THRAP3: variants seen among roughly 807,000 people sequenced by gnomAD.
THRAP3 encodes the protein thyroid hormone receptor-associated protein 3.
A neutral mutation model predicts 101.0 loss-of-function variants in THRAP3; 16 were observed. The ratio of observed to expected loss-of-function variants is 0.16; its 90% CI spans 0.11 to 0.24. The LOEUF is 0.24. THRAP3 is among the 10% of genes least tolerant of loss of function. THRAP3 has a pLI of 1.00. For missense variants in THRAP3, 989 were observed against 1,202.7 expected (o/e 0.82, Z 2.63); for synonymous variants, 407 against 422.6 (o/e 0.96, Z 0.45).
chr1:36,214,001 A>G, the THRAP3 span, among the ~76,000 whole-genome samples: 475 of 31,298 alleles, frequency 0.015, 1 homozygote, highest in East Asian at 0.027. Context: ...AAGAAAGGAA[A>G]GAAAGAAAGA....
intron 1 of THRAP3, among the ~76,000 whole-genome samples, chr1:36,232,343 C>T (rs139368431): frequency 4.3e-4 from 66 of 152,270 alleles, no homozygotes; most frequent in African/African-American, 1.6e-3. Context: ...TGCTGTATCA[C>T]CTTGGCTTTG....
chr1:36,207,834 C>T, the THRAP3 span, among the ~76,000 whole-genome samples: 3 of 152,036 alleles, frequency 2.0e-5, no homozygotes, highest in Admixed American at 6.6e-5. Flanking sequence ...ACTCTGTCGC[C>T]CAGGTTGGAG....
intron 2 of THRAP3, among the ~76,000 whole-genome samples, chr1:36,268,816 C>A (rs1009845361): frequency 6.6e-6 from 1 of 151,980 alleles, no homozygotes; most frequent in African/African-American, 2.4e-5. Context: ...AGCTCCACCT[C>A]CCAGGTTCAA....
chr1:36,277,215 C>T (rs562201721), intron 2 of THRAP3, among the ~76,000 whole-genome samples: 1 of 151,980 alleles, frequency 6.6e-6, no homozygotes, highest in South Asian at 2.1e-4. Flanking sequence ...GAGATCTGCC[C>T]ACCTCTGCCT....
intron 1 of THRAP3, among the ~76,000 whole-genome samples, chr1:36,243,396 A>G (rs1171643068): frequency 1.3e-5 from 2 of 150,834 alleles, no homozygotes; most frequent in Non-Finnish European, 3.0e-5. Context: ...AGTGGTGATG[A>G]CTCTTAAGGA....
rs776065432 is a variant in THRAP3, at chr1:36,289,298, A to C, written c.1279A>C (p.Lys427Gln). The change falls in exon 5 of 12, where the codon AAG becomes CAG. Residue 427 changes from lysine (K) to glutamine (Q), a missense_variant. Physicochemically the swap from Lys to Gln is moderately conservative, Grantham distance 53. Transcript: ENST00000354618. ...TGAGAAGAAGATGGCTGACTTCCACAAGGAGGAGATGGATGATCAAGATAA... is the reference window on the plus strand; with the variant it reads ...TGAGAAGAAGATGGCTGACTTCCACCAGGAGGAGATGGATGATCAAGATAA... ...DFEKKMADFH[K>Q]EEMDDQDKDK... The C allele has an allele frequency of 1.2e-6, 2 of 1,614,040 alleles. No homozygotes were observed. Among genetic ancestry groups the C allele is most frequent in the East Asian group, 2.2e-5 (1 of 44,896 alleles).
upstream of THRAP3, among the ~76,000 whole-genome samples, chr1:36,220,945 G>A (rs1263775595): frequency 2.0e-4 from 20 of 99,356 alleles, no homozygotes; most frequent in African/African-American, 9.3e-4. Flanking sequence ...AACAGAGTGA[G>A]ACTGTCTCAA....
At chr1:36,222,288 C>T (rs893219526), upstream of THRAP3, among the ~76,000 whole-genome samples, 2 of 152,184 alleles carry the variant, frequency 1.3e-5, no homozygotes, top group Admixed American at 6.6e-5. Context: ...ATGATGTAAA[C>T]ATACTATATA....
rs949484723 is a variant in THRAP3 at position 36,243,155 on chromosome 1, T to C, written c.-134-16227T>C. Among the ~76,000 whole-genome samples the C allele has an allele frequency of 3.5e-5, 5 of 143,632 alleles. No individual in the cohort carries two copies. In the East Asian group the frequency reaches 6.0e-4, roughly 17 times the overall value. 94.2% of individuals were successfully genotyped at this position (143,632 alleles called of 152,430 possible). A position where few individuals can be genotyped will look rare whatever the true frequency, so the allele number is the denominator to read the frequency against. ...ATGCATTTTGTGAGGAACTTTCTTTTTTTTTTTTTTTTTTTTTTGCTCTGA... is the reference window on the plus strand; with the variant it reads ...ATGCATTTTGTGAGGAACTTTCTTTCTTTTTTTTTTTTTTTTTTGCTCTGA... On this transcript the variant is annotated intron_variant, in intron 1 of 11. Coordinates refer to ENST00000354618, the MANE Select transcript of THRAP3 (RefSeq NM_005119.4).
chr1:36,226,142 A>G (rs2124318782), intron 1 of THRAP3, among the ~76,000 whole-genome samples: 1 of 152,324 alleles, frequency 6.6e-6, no homozygotes, highest in Admixed American at 6.5e-5. Context: ...TATGGATTAC[A>G]AAAAGAGTGA....
At chr1:36,270,775 C>G (rs1645581369) in intron 2 of THRAP3, among the ~76,000 whole-genome samples, 1 of 151,852 alleles carries the variant, frequency 6.6e-6, no homozygotes, top group Admixed American at 6.6e-5. Flanking sequence ...TGAGGTTTCT[C>G]CACGTTGGTC....
intron 1 of THRAP3, among the ~76,000 whole-genome samples, chr1:36,245,315 C>T (rs749278545): frequency 6.6e-6 from 1 of 151,806 alleles, no homozygotes; most frequent in Non-Finnish European, 1.5e-5. Flanking sequence ...TACAGGCCTG[C>T]GCCATCACAC....
intron 4 of THRAP3, chr1:36,288,034 C>T (rs1432228108): frequency 2.1e-6 from 2 of 954,892 alleles, no homozygotes; most frequent in Admixed American, 6.2e-5. Flanking sequence ...GTTTTTTGAT[C>T]CCTTGATTCT....
At chr1:36,215,016 T>C in the THRAP3 span, among the ~76,000 whole-genome samples, 2 of 151,042 alleles carry the variant, frequency 1.3e-5, no homozygotes, top group African/African-American at 4.9e-5. Flanking sequence ...GGTCATGAGA[T>C]AGAGACCATC....
chr1:36,270,266 G>T (rs1645570316), intron 2 of THRAP3, among the ~76,000 whole-genome samples: 1 of 152,168 alleles, frequency 6.6e-6, no homozygotes, highest in Non-Finnish European at 1.5e-5. Context: ...GGCACATGCC[G>T]GTAGTCCCAG....
At chr1:36,249,022 G>A (rs1215323043) in intron 1 of THRAP3, among the ~76,000 whole-genome samples, 1 of 150,888 alleles carries the variant, frequency 6.6e-6, no homozygotes, top group East Asian at 2.0e-4. Flanking sequence ...TGAGTAGCTG[G>A]GACTGTAGGC....
intron 1 of THRAP3, among the ~76,000 whole-genome samples, chr1:36,250,187 A>C (rs142734411): frequency 3.2e-4 from 48 of 152,080 alleles, no homozygotes; most frequent in Admixed American, 7.2e-4. Context: ...ATTTCCTTCC[A>C]AATAGGCCCT....
chr1:36,270,738 T>C (rs1464891166), intron 2 of THRAP3, among the ~76,000 whole-genome samples: 2 of 151,814 alleles, frequency 1.3e-5, no homozygotes, highest in African/African-American at 4.8e-5. Flanking sequence ...CCACCACGCC[T>C]AGCGAATTTT....
chr1:36,227,019 A>C (rs901084961), intron 1 of THRAP3, among the ~76,000 whole-genome samples: 1 of 152,126 alleles, frequency 6.6e-6, no homozygotes, highest in African/African-American at 2.4e-5. Context: ...CTTTTTGGGG[A>C]GAGTGAGGAA....
Sources: allele counts gnomAD v4.1 joint callset (sites outside exome capture counted in the v4.1 genomes callset), GRCh38; gene constraint gnomAD v4.1.1; transcripts MANE v1.5; gene names NCBI Gene and HGNC (gene_info 2026-07-23, HGNC 2026-07-21).